The following FAAH2 variants were observed in gnomAD, a reference collection of about 807,000 sequenced individuals.
FAAH2 encodes fatty-acid amide hydrolase 2.
In FAAH2, 60 loss-of-function variants were observed where a neutral mutation model predicts 36.9. That is an observed-to-expected ratio of 1.63 (90% CI 1.32 to 2.02). FAAH2 has a LOEUF of 2.02. FAAH2 is among the 30% of genes most tolerant of loss of function. The pLI is 0.00. For synonymous variants in FAAH2, 214 were observed against 143.8 expected, an observed-to-expected ratio of 1.49 and a Z score of -3.49; for missense variants, 689 against 397.5, an observed-to-expected ratio of 1.73 and a Z score of -6.23.
chrX:57,316,326 C>T (rs1005315626), intron 3 of FAAH2, among the ~76,000 whole-genome samples: 7 of 111,747 alleles, frequency 6.3e-5, no homozygotes, highest in Non-Finnish European at 1.3e-4. Flanking sequence ...AGATTTAACG[C>T]TATTCCTACC....
chrX:57,378,965 C>T (rs1253494631), intron 6 of FAAH2, among the ~76,000 whole-genome samples, 179 bp downstream of exon 6: 1 of 111,710 alleles, frequency 9.0e-6, no homozygotes, highest in Non-Finnish European at 1.9e-5. Flanking sequence ...TGGAAAGATG[C>T]CATGTAAAAG....
chrX:57,128,904 G>T, the FAAH2 span, among the ~76,000 whole-genome samples: 1 of 111,534 alleles, frequency 9.0e-6, no homozygotes, highest in Admixed American at 9.5e-5. Context: ...GATAAGTACT[G>T]CAGAGCAAGA....
intron 10 of FAAH2, among the ~76,000 whole-genome samples, chrX:57,471,682 G>C (rs1360340247): frequency 9.0e-6 from 1 of 111,704 alleles, no homozygotes. Context: ...GTAATTTATA[G>C]ATTCAATGCC....
chrX:57,442,894 T>G lies in FAAH2; in HGVS notation c.1117-4034T>G, dbSNP rs2056594156. Among the ~76,000 whole-genome samples the G allele has an allele frequency of 4.5e-5, 5 of 110,614 alleles. No individual in the cohort carries two copies. In the South Asian group the frequency reaches 2.0e-3, roughly 43 times the overall value. Reference sequence around the variant, plus strand: ...AGCTTAGTTTGGCTGGATATGAAATTCTGGTTTGAAAATTCTTTTCTTTAA... The same window carrying G: ...AGCTTAGTTTGGCTGGATATGAAATGCTGGTTTGAAAATTCTTTTCTTTAA... On this transcript the variant is annotated intron_variant, in intron 8 of 10. Transcript: ENST00000374900.
chrX:57,417,140 G>A (rs2055866254), intron 7 of FAAH2, among the ~76,000 whole-genome samples: 2 of 111,338 alleles, frequency 1.8e-5, no homozygotes, highest in African/African-American at 3.3e-5. Flanking sequence ...CTCTTTCAAG[G>A]TTCTTAGCTT....
At chrX:57,186,130 C>G in the FAAH2 span, among the ~76,000 whole-genome samples, 1 of 111,374 alleles carries the variant, frequency 9.0e-6, no homozygotes, top group African/African-American at 3.3e-5. Flanking sequence ...GTTCTAGATC[C>G]TTGAGGAATC....
At chrX:57,330,947 G>A (rs2053387391) in intron 3 of FAAH2, among the ~76,000 whole-genome samples, 1 of 110,635 alleles carries the variant, frequency 9.0e-6, no homozygotes, top group South Asian at 3.9e-4. Flanking sequence ...TGCACTGCAA[G>A]CAGGCAGGAT....
At chrX:57,337,189 G>A (rs943053301) in intron 4 of FAAH2, among the ~76,000 whole-genome samples, 9 of 99,372 alleles carry the variant, frequency 9.1e-5, no homozygotes, top group African/African-American at 3.0e-4. Flanking sequence ...TCCCAAGACC[G>A]AACCAAGAAA....
intron 10 of FAAH2, among the ~76,000 whole-genome samples, chrX:57,469,774 AC>A (rs1355732194): frequency 8.9e-6 from 1 of 111,840 alleles, no homozygotes; most frequent in Admixed American, 9.5e-5. Flanking sequence ...AGAAGTCTTC[AC>A]CCCAAATCAA....
At chrX:57,439,126 A>G (rs1391152027) in intron 8 of FAAH2, among the ~76,000 whole-genome samples, 1 of 110,340 alleles carries the variant, frequency 9.1e-6, no homozygotes, top group Non-Finnish European at 1.9e-5. Flanking sequence ...CAGTAATGGG[A>G]TGGCTGGGTC....
chrX:57,366,437 C>A (rs1301450990), intron 5 of FAAH2, among the ~76,000 whole-genome samples: 1 of 112,174 alleles, frequency 8.9e-6, no homozygotes, highest in Non-Finnish European at 1.9e-5. Context: ...AATGTGTTCC[C>A]AGCCCATTGG....
chrX:57,466,152 C>CTATATA lies in FAAH2; in HGVS notation c.1423+17435_1423+17436insATATAT, dbSNP rs1219532061. Among the ~76,000 whole-genome samples the CTATATA allele has an allele frequency of 2.5e-3, 169 of 66,780 alleles. 1 individual carries two copies. Among genetic ancestry groups the CTATATA allele is most frequent in the African/African-American group, 7.1e-3 (114 of 16,056 alleles). 58.0% of individuals were successfully genotyped at this position (66,780 alleles called of 115,157 possible). ...TATCTCTCTCTCTCTCTCTCTCTCTCTCTCTATATATATATATATATATAT... is the reference window on the plus strand; with the variant it reads ...TATCTCTCTCTCTCTCTCTCTCTCTCTATATATCTCTATATATATATATATATATAT... On this transcript the variant is annotated intron_variant, in intron 10 of 10. Coordinates refer to ENST00000374900, the MANE Select transcript of FAAH2 (RefSeq NM_174912.4).
At chrX:57,453,739 G>A (rs186114357) in intron 10 of FAAH2, among the ~76,000 whole-genome samples, 7 of 112,107 alleles carry the variant, frequency 6.2e-5, no homozygotes, top group Non-Finnish European at 1.3e-4. Flanking sequence ...CCCCCGGAAA[G>A]CACCTAGACA....
the FAAH2 span, among the ~76,000 whole-genome samples, chrX:57,193,707 G>A: frequency 1.4e-4 from 16 of 111,473 alleles, no homozygotes; most frequent in East Asian, 2.8e-4. Context: ...TGTGACTATC[G>A]GGGGCACATT....
At chrX:57,334,084 A>G (rs1167136347) in intron 4 of FAAH2, among the ~76,000 whole-genome samples, 1 of 110,791 alleles carries the variant, frequency 9.0e-6, no homozygotes, top group Non-Finnish European at 1.9e-5. Context: ...AGACTGGCCA[A>G]CATGTTGAAT....
chrX:57,258,572 T>C, the FAAH2 span, among the ~76,000 whole-genome samples: 1 of 111,484 alleles, frequency 9.0e-6, no homozygotes, highest in Non-Finnish European at 1.9e-5. Context: ...ATTCAAAAAA[T>C]ATGAGGAACT....
At chrX:57,313,805 C>A (rs1332981147) in intron 3 of FAAH2, among the ~76,000 whole-genome samples, 1 of 111,400 alleles carries the variant, frequency 9.0e-6, no homozygotes, top group Admixed American at 9.6e-5. Flanking sequence ...CAGAGACACT[C>A]AAGCTGATAG....
At chrX:57,150,122 A>C in the FAAH2 span, among the ~76,000 whole-genome samples, 2 of 112,189 alleles carry the variant, frequency 1.8e-5, no homozygotes, top group Non-Finnish European at 3.8e-5. Flanking sequence ...GTGGTCTCAG[A>C]GACAGTTTGT....
intron 5 of FAAH2, among the ~76,000 whole-genome samples, chrX:57,349,282 T>C (rs1291309604): frequency 1.0e-5 from 1 of 95,937 alleles, no homozygotes; most frequent in Non-Finnish European, 2.0e-5. Context: ...TATATACATA[T>C]ATACATATAT....
Sources: gnomAD v4.1 joint callset for allele counts (sites outside exome capture counted in the v4.1 genomes callset) on GRCh38, gnomAD v4.1.1 for gene constraint, MANE v1.5 for transcripts, NCBI Gene and HGNC (gene_info 2026-07-23, HGNC 2026-07-21) for gene names.